The following NRXN3 variants were observed in gnomAD, a reference collection of about 807,000 sequenced individuals.
NRXN3 encodes the protein neurexin III.
A neutral mutation model predicts 137.6 loss-of-function variants in NRXN3; 32 were observed. That is an observed-to-expected ratio of 0.23 (90% CI 0.18 to 0.31). NRXN3 has a LOEUF of 0.31. NRXN3 is among the 10% of genes least tolerant of loss of function. NRXN3 has a pLI of 1.00. For synonymous variants in NRXN3, 798 were observed against 784.5 expected (o/e 1.02, Z -0.29); for missense variants, 1,574 against 2,062.5 (o/e 0.76, Z 4.59).
At chr14:78,313,547 T>C (rs2078221585) in intron 4 of NRXN3, among the ~76,000 whole-genome samples, 1 of 152,126 alleles carries the variant, frequency 6.6e-6, no homozygotes, top group South Asian at 2.1e-4. Context: ...TTACATGGCA[T>C]TATCCCCATT....
chr14:78,620,626 C>T (rs777464476), intron 4 of NRXN3, among the ~76,000 whole-genome samples: 3 of 152,072 alleles, frequency 2.0e-5, no homozygotes, highest in East Asian at 3.8e-4. Flanking sequence ...AAAGCACTGT[C>T]GTGTTTACGG....
intron 20 of NRXN3, among the ~76,000 whole-genome samples, chr14:79,809,358 C>T (rs1159673504): frequency 6.6e-6 from 1 of 152,192 alleles, no homozygotes; most frequent in Non-Finnish European, 1.5e-5. Flanking sequence ...AGGCTGGTCT[C>T]AAACTCCTGG....
chr14:78,939,756 T>A (rs556215941), intron 10 of NRXN3, among the ~76,000 whole-genome samples: 3 of 152,226 alleles, frequency 2.0e-5, no homozygotes, highest in Non-Finnish European at 4.4e-5. Context: ...TCATAAATAT[T>A]TAAGGTTTAC....
Position 78,300,701 on chromosome 14 carries a change from A to T in NRXN3, c.757+2841A>T, listed in dbSNP as rs769874592. The T allele has an allele frequency of 4.0e-6, 6 of 1,518,272 alleles. No homozygotes were observed. The South Asian group carries it at 6.0e-5, about 15-fold the overall frequency. The allele number at this position is 1,518,272 out of a possible 1,614,324, so 94.1% of individuals were successfully genotyped here. A position where few individuals can be genotyped will look rare whatever the true frequency, so the allele number is the denominator to read the frequency against. ...GTAGGTAGAAGTAAAGGTAGAGCTC[A>T]CTTTATTTTTATCATTATAACTATC... is the stretch of plus-strand genomic sequence containing the variant. On this transcript the variant is annotated intron_variant, in intron 4 of 20. Transcript: ENST00000335750.
intron 19 of NRXN3, among the ~76,000 whole-genome samples, chr14:79,803,989 ATATG>A (rs927420455): frequency 4.7e-5 from 7 of 148,794 alleles, no homozygotes; most frequent in African/African-American, 9.8e-5. Flanking sequence ...GTGTATATAT[ATATG>A]TATGTATGTA....
intron 15 of NRXN3, among the ~76,000 whole-genome samples, chr14:79,147,881 T>C (rs926382638): frequency 6.6e-6 from 1 of 152,096 alleles, no homozygotes; most frequent in Non-Finnish European, 1.5e-5. Flanking sequence ...TGCAGTTTTT[T>C]CTCCTAACTA....
At chr14:78,563,806 G>A (rs1330203502) in intron 4 of NRXN3, among the ~76,000 whole-genome samples, 3 of 152,188 alleles carry the variant, frequency 2.0e-5, no homozygotes, top group Non-Finnish European at 1.5e-5. Context: ...ATGCAAGCAG[G>A]TTGGGGTTCT....
At chr14:78,627,477 T>C (rs1319724104) in intron 4 of NRXN3, among the ~76,000 whole-genome samples, 1 of 152,160 alleles carries the variant, frequency 6.6e-6, no homozygotes, top group Non-Finnish European at 1.5e-5. Context: ...CCCAGAGCCC[T>C]TTTCCAGAGG....
At chr14:78,855,310 CT>C (rs2152502243) in intron 10 of NRXN3, among the ~76,000 whole-genome samples, 1 of 152,198 alleles carries the variant, frequency 6.6e-6, no homozygotes, top group African/African-American at 2.4e-5. Context: ...GACATTATTA[CT>C]TTGGTAAAGT....
chr14:79,813,112 C>T (rs1330459005), intron 20 of NRXN3, among the ~76,000 whole-genome samples: 1 of 152,090 alleles, frequency 6.6e-6, no homozygotes, highest in Non-Finnish European at 1.5e-5. Context: ...ACAGCCCCTA[C>T]CATCAGTCAT....
chr14:79,670,072 A>G (rs1263649792), intron 17 of NRXN3, among the ~76,000 whole-genome samples: 5 of 151,922 alleles, frequency 3.3e-5, no homozygotes, highest in Non-Finnish European at 5.9e-5. Flanking sequence ...TTTATTATGT[A>G]CTTATGTCCT....
chr14:78,207,504 A>G (rs541842135), intron 1 of NRXN3, among the ~76,000 whole-genome samples: 1 of 152,194 alleles, frequency 6.6e-6, no homozygotes, highest in Admixed American at 6.5e-5. Flanking sequence ...TGCAAAACCA[A>G]CAGTGTTGGC....
At chr14:78,490,205 ACCCGG>A (rs1472499664) in intron 4 of NRXN3, among the ~76,000 whole-genome samples, 516 of 25,536 alleles carry the variant, frequency 0.02, 4 homozygotes, top group African/African-American at 0.098. Context: ...GATCCACCAC[ACCCGG>A]CCTCCCAAAG....
Position 78,977,166 on chromosome 14 carries a change from C to T in NRXN3, c.3142+8820C>T, listed in dbSNP as rs58501370. Among the ~76,000 whole-genome samples the T allele has an allele frequency of 5.0e-3, 756 of 152,248 alleles. 6 individuals carry two copies. The highest frequency in any genetic ancestry group is 0.017 in the African/African-American group (709 of 41,546). On this transcript the variant is annotated intron_variant, in intron 14 of 20. Transcript: ENST00000335750. ...TAAACTGGATTTTAAAGCCCATGAC[C>T]TTTCGCCTATTATGCCGTATGGTGT... is the stretch of plus-strand genomic sequence containing the variant.
chr14:79,785,971 T>G (rs912364958), intron 19 of NRXN3, among the ~76,000 whole-genome samples: 3 of 151,638 alleles, frequency 2.0e-5, no homozygotes, highest in Non-Finnish European at 2.9e-5. Context: ...AGGTCACCTG[T>G]GTTCCTGCAG....
intron 15 of NRXN3, among the ~76,000 whole-genome samples, chr14:79,189,270 A>G (rs1194803077): frequency 6.6e-6 from 1 of 151,920 alleles, no homozygotes; most frequent in Non-Finnish European, 1.5e-5. Flanking sequence ...CATCATTCTC[A>G]GTAAACTATC....
chr14:78,267,359 T>G (rs2071931016), intron 2 of NRXN3, among the ~76,000 whole-genome samples: 1 of 152,110 alleles, frequency 6.6e-6, no homozygotes, highest in African/African-American at 2.4e-5. Flanking sequence ...CTCAGGGGTG[T>G]CCATCTGCCC....
intron 10 of NRXN3, among the ~76,000 whole-genome samples, chr14:78,923,218 C>T (rs2099275903): frequency 6.6e-6 from 1 of 152,202 alleles, no homozygotes; most frequent in African/African-American, 2.4e-5. Flanking sequence ...CATTGAATAT[C>T]CTGCCAACAC....
At position 78,492,088 on chromosome 14, in the gene NRXN3, C is replaced by A. The variant is rs113252443; in HGVS notation, c.758-153032C>A. On this transcript the variant is annotated intron_variant, in intron 4 of 20. Transcript: ENST00000335750. Reference sequence around the variant, plus strand: ...AAAACTGGGAATAAATAATAATAACCTTTTAGGGTTGTTTTATCTCTATGA... The same window carrying A: ...AAAACTGGGAATAAATAATAATAACATTTTAGGGTTGTTTTATCTCTATGA... 1.1e-4 allele frequency among the ~76,000 whole-genome samples: 17 copies of A among 152,146 alleles called. 1 individual carries two copies. Among genetic ancestry groups the A allele is most frequent in the African/African-American group, 3.6e-4 (15 of 41,488 alleles).
Sources: gnomAD v4.1 joint callset for allele counts (sites outside exome capture counted in the v4.1 genomes callset) on GRCh38, gnomAD v4.1.1 for gene constraint, MANE v1.5 for transcripts, NCBI Gene and HGNC (gene_info 2026-07-23, HGNC 2026-07-21) for gene names.